The following CCZ1 variants were observed in gnomAD, a reference collection of about 807,000 sequenced individuals.
CCZ1 encodes vacuolar fusion protein CCZ1 homolog.
A neutral mutation model predicts 57.8 loss-of-function variants in CCZ1; 19 were observed. The ratio of observed to expected loss-of-function variants is 0.33; its 90% CI spans 0.23 to 0.48. The LOEUF (loss-of-function observed/expected upper bound fraction) is 0.48. Ranked by LOEUF, CCZ1 falls within the 20% of genes least tolerant of loss-of-function variation. The pLI is 0.99. For missense variants in CCZ1, 200 were observed against 492.0 expected (o/e 0.41, Z 5.61); for synonymous variants, 81 against 167.0 (o/e 0.49, Z 3.97).
In CCZ1 at chr7:5,907,509, A is replaced by G. The variant is rs1258421624; in HGVS notation, c.698+2240A>G. Among the ~76,000 whole-genome samples, 77 of 147,742 alleles carry G rather than the reference A, an allele frequency of 5.2e-4. 1 individual carries two copies. Among genetic ancestry groups the G allele is most frequent in the Admixed American group, 4.7e-3 (70 of 14,992 alleles). ...TCTGGGACAGAACACAAGCCCCGCC[A>G]TGGGTGCAAACTCCTGAGAGTGAGG... On this transcript the variant is annotated intron_variant, in intron 7 of 14. Transcript: ENST00000325974.
intron 1 of CCZ1, among the ~76,000 whole-genome samples, chr7:5,899,488 T>C (rs1410532733): frequency 7.4e-6 from 1 of 134,322 alleles, no homozygotes; most frequent in East Asian, 2.3e-4. Flanking sequence ...CTGGGCGCTG[T>C]GACTCACGCC....
In CCZ1 at chr7:5,902,652, C is replaced by T; in HGVS notation, c.439-9C>T. ...TGATTTTTTTTCCTGCAATCTTTTA[C>T]CTCACTAGCTTTTTAATGGTACATT... On this transcript the variant is annotated splice_polypyrimidine_tract_variant and intron_variant, in intron 5 of 14. Transcript: ENST00000325974. The T allele has an allele frequency of 6.3e-7, 1 of 1,577,136 alleles. No homozygotes were observed. Among genetic ancestry groups the T allele is most frequent in the Non-Finnish European group, 8.5e-7 (1 of 1,171,504 alleles).
intron 7 of CCZ1, among the ~76,000 whole-genome samples, chr7:5,909,574 C>T (rs530277239): frequency 2.6e-4 from 39 of 147,602 alleles, no homozygotes; most frequent in Middle Eastern, 3.4e-3. Context: ...TGGCGCATGC[C>T]TGTAGTCCCA....
chr7:5,904,658 C>T (rs2528321), intron 6 of CCZ1, among the ~76,000 whole-genome samples: 55 of 146,674 alleles, frequency 3.7e-4, no homozygotes, highest in African/African-American at 9.8e-4. Context: ...GGTGAAACCC[C>T]ATCTCTACTA....
At chr7:5,923,042 G>GGC (rs1189216021) in intron 12 of CCZ1, among the ~76,000 whole-genome samples, 2 of 137,494 alleles carry the variant, frequency 1.5e-5, no homozygotes, top group Non-Finnish European at 3.1e-5. Context: ...GCCAGGGCCG[G>GGC]GCGCGGGGGC....
chr7:5,921,344 C>T (rs576120313), intron 12 of CCZ1, among the ~76,000 whole-genome samples: 1 of 83,980 alleles, frequency 1.2e-5, no homozygotes, highest in East Asian at 2.9e-4. Flanking sequence ...CTGCTGTCAA[C>T]AGCTTACATC....
intron 12 of CCZ1, among the ~76,000 whole-genome samples, chr7:5,921,251 T>C (rs1779237041): frequency 7.7e-6 from 1 of 130,060 alleles, no homozygotes; most frequent in Non-Finnish European, 1.7e-5. Flanking sequence ...CTGCATGGTC[T>C]TGTATAACCG....
In CCZ1 at chr7:5,902,829, T is replaced by C. The variant is rs578160318; in HGVS notation, c.522+85T>C. 32 of 1,494,190 alleles carry C rather than the reference T, an allele frequency of 2.1e-5. 1 individual carries two copies. The African/African-American group carries it at 2.2e-4, about 10-fold the overall frequency. The allele number at this position is 1,494,190 out of a possible 1,614,324, so 92.6% of individuals were successfully genotyped here. A position where few individuals can be genotyped will look rare whatever the true frequency, so the allele number is the denominator to read the frequency against. ...TATAGACAGACAAGTTTGTTTCTTATATACAAAAAACCCAGAACTTGAAAG... is the reference window on the plus strand; with the variant it reads ...TATAGACAGACAAGTTTGTTTCTTACATACAAAAAACCCAGAACTTGAAAG... On this transcript the variant is annotated intron_variant, in intron 6 of 14. Transcript: ENST00000325974.
chr7:5,914,110 T>C (rs1779105298), intron 10 of CCZ1, among the ~76,000 whole-genome samples: 1 of 147,446 alleles, frequency 6.8e-6, no homozygotes, highest in Non-Finnish European at 1.5e-5. Flanking sequence ...ACAAGAACTT[T>C]AAAAATTAGT....
At position 5,910,032 on chromosome 7, in the gene CCZ1, C is replaced by T. The variant is rs771670762; in HGVS notation, c.699-3C>T. 14 of 1,601,250 alleles carry T rather than the reference C, an allele frequency of 8.7e-6. No homozygotes were observed. The South Asian group carries it at 1.3e-4, about 15-fold the overall frequency. The stretch of plus-strand genomic sequence containing the variant: ...TTAACCCAGTGCTTTTCTGTTGTTG[C>T]AGGAGTGGATTAGAACAAGATGACA... On this transcript the variant is annotated splice_region_variant and splice_polypyrimidine_tract_variant and intron_variant, in intron 7 of 14. Coordinates refer to ENST00000325974, the MANE Select transcript of CCZ1 (RefSeq NM_015622.6).
At position 5,899,863 on chromosome 7, in the gene CCZ1, T is replaced by G. The variant is rs80136604; in HGVS notation, c.121-421T>G. Among the ~76,000 whole-genome samples the G allele has an allele frequency of 2.0e-3, 291 of 149,082 alleles. 3 individuals are homozygous for G. Among genetic ancestry groups the G allele is most frequent in the African/African-American group, 7.0e-3 (276 of 39,602 alleles). On this transcript the variant is annotated intron_variant, in intron 1 of 14. Transcript: ENST00000325974. The stretch of plus-strand genomic sequence containing the variant: ...GTGTCTGCAGATGGGCACACCTTTA[T>G]TTCTTACAAGCATTGGTGTATTACA...
chr7:5,911,099 C>A lies in CCZ1; in HGVS notation c.781-762C>A, dbSNP rs903131653. Among the ~76,000 whole-genome samples the A allele has an allele frequency of 3.4e-5, 5 of 148,886 alleles. 1 individual carries two copies. Among genetic ancestry groups the A allele is most frequent in the Non-Finnish European group, 7.4e-5 (5 of 67,730 alleles). ...AAATGCCAGTGATCTTTAAAACAAT[C>A]GACTTGTGTAGTCTTTTCCTCTATC... On this transcript the variant is annotated intron_variant, in intron 8 of 14. Coordinates refer to ENST00000325974, the MANE Select transcript of CCZ1 (RefSeq NM_015622.6).
chr7:5,909,741 T>A, intron 7 of CCZ1, among the ~76,000 whole-genome samples: 1 of 146,340 alleles, frequency 6.8e-6, no homozygotes, highest in Admixed American at 6.9e-5. Flanking sequence ...AAAAATGAGT[T>A]TTATCCAGGG....
At chr7:5,923,244 G>GA (rs1451606439) in intron 12 of CCZ1, 143 bp from the exon 13 acceptor site, 111 of 88,880 alleles carry the variant, frequency 1.2e-3, no homozygotes, top group Middle Eastern at 3.6e-3. Flanking sequence ...TTGAACCAGG[G>GA]AGGCGGAGGT....
At chr7:5,905,781 CAAAAA>C (rs796636886) in intron 7 of CCZ1, among the ~76,000 whole-genome samples, 66 of 44,360 alleles carry the variant, frequency 1.5e-3, no homozygotes, top group Middle Eastern at 0.067. Context: ...ACTCTGTCTC[CAAAAA>C]AAAAAAAAAA....
At chr7:5,925,068 T>C (rs1779334960) in intron 14 of CCZ1, among the ~76,000 whole-genome samples, 1 of 8,490 alleles carries the variant, frequency 1.2e-4, no homozygotes, top group Non-Finnish European at 2.8e-4. Context: ...GTCACCAGCC[T>C]TGTGCTTCTA....
intron 10 of CCZ1, among the ~76,000 whole-genome samples, chr7:5,916,701 G>C (rs62453617): frequency 6.8e-6 from 1 of 146,542 alleles, no homozygotes; most frequent in East Asian, 1.9e-4. Context: ...TTGATTGGGG[G>C]TTGGCCACAG....
Position 5,916,397 on chromosome 7 carries a change from C to CGT in CCZ1, c.955-2466_955-2465dup, listed in dbSNP as rs1366579984. Reference sequence around the variant, plus strand: ...GGTTAAAATCAGCCCGGGGAAGAGGCGTGTGGGGCAGGGCGCAGGAGCCAC... The same window carrying CGT: ...GGTTAAAATCAGCCCGGGGAAGAGGCGTGTGTGGGGCAGGGCGCAGGAGCCAC... On this transcript the variant is annotated intron_variant, in intron 10 of 14. Coordinates refer to ENST00000325974, the MANE Select transcript of CCZ1 (RefSeq NM_015622.6). 6.9e-5 allele frequency among the ~76,000 whole-genome samples: 9 copies of CGT among 131,098 alleles called. 1 individual carries two copies. Among genetic ancestry groups the CGT allele is most frequent in the Non-Finnish European group, 1.5e-4 (9 of 58,684 alleles). The allele number at this position is 131,098 out of a possible 152,430, so 86.0% of individuals were successfully genotyped here. A position where few individuals can be genotyped will look rare whatever the true frequency, so the allele number is the denominator to read the frequency against.
intron 10 of CCZ1, among the ~76,000 whole-genome samples, chr7:5,914,832 C>T (rs10270655): frequency 0.38 from 51,837 of 138,156 alleles, 10,218 homozygotes; most frequent in Middle Eastern, 0.52. Context: ...GCTGAGCTTA[C>T]GCCACTGTGC....
Sources: allele counts gnomAD v4.1 joint callset (sites outside exome capture counted in the v4.1 genomes callset), GRCh38; gene constraint gnomAD v4.1.1; transcripts MANE v1.5; gene names NCBI Gene and HGNC (gene_info 2026-07-23, HGNC 2026-07-21).